Variants in CDH18 observed in about 807,000 individuals in gnomAD.
CDH18 encodes cadherin-18.
A neutral mutation model predicts 67.9 loss-of-function variants in CDH18; 31 were observed. That is an observed-to-expected ratio of 0.46 (90% CI 0.34 to 0.62). The LOEUF (loss-of-function observed/expected upper bound fraction) is 0.62, where lower values mean the gene tolerates loss of function less well. CDH18 is among the 20% of genes least tolerant of loss of function. The pLI, the probability that CDH18 is intolerant of heterozygous loss-of-function variation, is 0.01. For missense variants in CDH18, 890 were observed against 975.5 expected, an observed-to-expected ratio of 0.91 and a Z score of 1.17; for synonymous variants, 362 against 347.2, an observed-to-expected ratio of 1.04 and a Z score of -0.48.
chr5:19,733,279 C>A (rs995339188), intron 4 of CDH18, among the ~76,000 whole-genome samples: 1 of 152,196 alleles, frequency 6.6e-6, no homozygotes, highest in Non-Finnish European at 1.5e-5. Flanking sequence ...ACCTATTTTA[C>A]ATATACCTAC....
At chr5:20,506,411 G>C (rs1231597258) in intron 1 of CDH18, among the ~76,000 whole-genome samples, 1 of 152,196 alleles carries the variant, frequency 6.6e-6, no homozygotes, top group African/African-American at 2.4e-5. Context: ...ATTACAATAG[G>C]GAACCTCAAT....
At chr5:19,567,165 T>C (rs888743949) in intron 8 of CDH18, among the ~76,000 whole-genome samples, 3 of 152,132 alleles carry the variant, frequency 2.0e-5, no homozygotes, top group South Asian at 2.1e-4. Context: ...TAGTATTTGA[T>C]AGCCTGACAT....
intron 2 of CDH18, among the ~76,000 whole-genome samples, chr5:19,930,497 G>C (rs569450175): frequency 1.3e-5 from 2 of 152,036 alleles, no homozygotes; most frequent in Middle Eastern, 3.4e-3. Flanking sequence ...AACAGAGAAG[G>C]CTCTCCTATA....
At chr5:20,442,396 T>A (rs577067145) in intron 1 of CDH18, among the ~76,000 whole-genome samples, 8 of 152,090 alleles carry the variant, frequency 5.3e-5, no homozygotes, top group Middle Eastern at 3.4e-3. Flanking sequence ...CCTTATATAA[T>A]ATAAAATTAT....
chr5:20,182,681 C>T (rs1354999661), intron 2 of CDH18, among the ~76,000 whole-genome samples: 5 of 147,702 alleles, frequency 3.4e-5, no homozygotes, highest in African/African-American at 1.2e-4. Flanking sequence ...TTAATCCATT[C>T]TTGTTTTATA....
chr5:20,555,744 T>G (rs1407708101), intron 1 of CDH18, among the ~76,000 whole-genome samples: 1 of 151,750 alleles, frequency 6.6e-6, no homozygotes, highest in African/African-American at 2.4e-5. Context: ...AAATCACCCC[T>G]GCTTTTTTTT....
At chr5:19,703,211 G>A (rs979792709) in intron 5 of CDH18, among the ~76,000 whole-genome samples, 1 of 152,064 alleles carries the variant, frequency 6.6e-6, no homozygotes, top group Non-Finnish European at 1.5e-5. Context: ...CCTATACATG[G>A]GGCTCAAACC....
At chr5:19,982,816 G>A (rs557137589) in intron 1 of CDH18, among the ~76,000 whole-genome samples, 3 of 152,138 alleles carry the variant, frequency 2.0e-5, no homozygotes, top group African/African-American at 7.2e-5. Context: ...AGGCCAAGGC[G>A]TGTGGATCAC....
At position 20,029,843 on chromosome 5, in the gene CDH18, T is replaced by A. The variant is rs191894118; in HGVS notation, c.-517-37829A>T. 3.3e-3 allele frequency among the ~76,000 whole-genome samples: 499 copies of A among 152,296 alleles called. 2 individuals carry two copies. Among genetic ancestry groups the A allele is most frequent in the African/African-American group, 0.012 (481 of 41,572 alleles). ...ATATATAAGAAGCAAATGGAGAGAC[T>A]GAGTTTTCTGCTCAAATTATCGCAA... On this transcript the variant is annotated intron_variant, in intron 2 of 14. Coordinates refer to the CDH18 transcript ENST00000507958.
chr5:19,700,074 C>T (rs1430784340), intron 5 of CDH18, among the ~76,000 whole-genome samples: 3 of 152,024 alleles, frequency 2.0e-5, no homozygotes, highest in Non-Finnish European at 2.9e-5. Context: ...TTTTGTCTTT[C>T]GTCTTTCGAA....
At chr5:19,734,999 G>A (rs1416728941) in intron 4 of CDH18, among the ~76,000 whole-genome samples, 1 of 152,092 alleles carries the variant, frequency 6.6e-6, no homozygotes, top group Non-Finnish European at 1.5e-5. Context: ...GTGTGGCTTT[G>A]TTGCAAGCTG....
chr5:20,053,867 A>G (rs575567208), intron 2 of CDH18, among the ~76,000 whole-genome samples: 149 of 152,244 alleles, frequency 9.8e-4, no homozygotes, highest in African/African-American at 3.4e-3. Context: ...GGAGAAAATA[A>G]GAGCTTAGGT....
rs397758122 is a variant in CDH18, at chr5:20,056,680, C to CTTTTTTT, written c.-517-64673_-517-64667dup. ...ATAGAGCAGTTGAGTTCTATATTCTCTTTTTTTTTTTTTTTTTTTTTTTGA... is the reference window on the plus strand; with the variant it reads ...ATAGAGCAGTTGAGTTCTATATTCTCTTTTTTTTTTTTTTTTTTTTTTTTTTTTTTGA... On this transcript the variant is annotated intron_variant, in intron 2 of 14. Coordinates refer to the CDH18 transcript ENST00000507958. Among the ~76,000 whole-genome samples the CTTTTTTT allele has an allele frequency of 1.9e-3, 136 of 70,028 alleles. 10 individuals carry two copies. Among genetic ancestry groups the CTTTTTTT allele is most frequent in the African/African-American group, 4.6e-3 (85 of 18,482 alleles). 45.9% of individuals were successfully genotyped at this position (70,028 alleles called of 152,430 possible).
chr5:19,889,758 C>T (rs766017841), intron 2 of CDH18, among the ~76,000 whole-genome samples: 2 of 152,092 alleles, frequency 1.3e-5, no homozygotes, highest in Non-Finnish European at 2.9e-5. Flanking sequence ...CCTAAACACA[C>T]ATATGGTCAC....
chr5:20,042,547 G>C (rs2150475073), intron 2 of CDH18, among the ~76,000 whole-genome samples: 1 of 152,224 alleles, frequency 6.6e-6, no homozygotes, highest in African/African-American at 2.4e-5. Flanking sequence ...TTCATAGCAT[G>C]TAACAATCAC....
At chr5:19,830,546 C>T (rs1317316357) in intron 3 of CDH18, among the ~76,000 whole-genome samples, 1 of 151,868 alleles carries the variant, frequency 6.6e-6, no homozygotes, top group Admixed American at 6.6e-5. Context: ...AAAATGATGA[C>T]AAGGTCATGA....
At position 20,208,183 on chromosome 5, in the gene CDH18, A is replaced by C. The variant is rs933650687; in HGVS notation, c.-518+47261T>G. ...GAACTTACAACCATGGCAGAAGGTG[A>C]AACAGGCATGTCTTACATGGCAACA... On this transcript the variant is annotated intron_variant, in intron 2 of 14. Transcript: ENST00000507958. 3.9e-5 allele frequency among the ~76,000 whole-genome samples: 6 copies of C among 152,140 alleles called. No homozygotes were observed. In the South Asian group the frequency reaches 1.2e-3, roughly 32 times the overall value.
chr5:20,088,044 T>C (rs776792934), intron 2 of CDH18, among the ~76,000 whole-genome samples: 6 of 152,164 alleles, frequency 3.9e-5, no homozygotes, highest in African/African-American at 1.4e-4. Flanking sequence ...TAACAATGTA[T>C]GGGCAAGGAA....
At chr5:20,033,827 T>C (rs781496028) in intron 2 of CDH18, among the ~76,000 whole-genome samples, 2 of 152,054 alleles carry the variant, frequency 1.3e-5, no homozygotes, top group African/African-American at 2.4e-5. Flanking sequence ...ATTTTACAAA[T>C]GAACATCAGT....
Sources: gnomAD v4.1 joint callset for allele counts (sites outside exome capture counted in the v4.1 genomes callset) on GRCh38, gnomAD v4.1.1 for gene constraint, MANE v1.5 for transcripts, NCBI Gene and HGNC (gene_info 2026-07-23, HGNC 2026-07-21) for gene names.